Variants in TMEM63C observed in about 807,000 individuals in gnomAD.
The protein encoded by TMEM63C is osmosensitive cation channel TMEM63C.
A neutral mutation model predicts 99.2 loss-of-function variants in TMEM63C; 32 were observed. The observed-to-expected ratio is 0.32, with a 90% CI of 0.24 to 0.43. The LOEUF (loss-of-function observed/expected upper bound fraction) is 0.43, where lower values mean the gene tolerates loss of function less well. TMEM63C is among the 20% of genes least tolerant of loss of function. The probability of loss-of-function intolerance (pLI) is 1.00; values close to 1 mark genes in which losing one functional copy is unlikely to be tolerated. For missense variants in TMEM63C, 826 were observed against 1,053.0 expected (o/e 0.78, Z 2.98); for synonymous variants, 376 against 397.9 (o/e 0.94, Z 0.66).
At chr14:77,245,747 C>A (rs1338299751) in intron 16 of TMEM63C, among the ~76,000 whole-genome samples, 193 bp from the exon 17 acceptor site, 1 of 152,150 alleles carries the variant, frequency 6.6e-6, no homozygotes, top group South Asian at 2.1e-4. Flanking sequence ...AAAGACCCAC[C>A]CCCCATAATT....
chr14:77,254,607 C>T lies in TMEM63C; in HGVS notation c.2220+1231C>T, dbSNP rs576513641. Among the ~76,000 whole-genome samples the T allele has an allele frequency of 6.6e-5, 10 of 152,310 alleles. No individual in the cohort carries two copies. In the South Asian group the frequency reaches 2.1e-3, roughly 32 times the overall value. ...CTCTTAATCTTTTGATAAACCCACACAGTAGGGATTTTCATCCCCAAATGG... is the reference window on the plus strand; with the variant it reads ...CTCTTAATCTTTTGATAAACCCACATAGTAGGGATTTTCATCCCCAAATGG... On this transcript the variant is annotated intron_variant, in intron 23 of 23. Transcript: ENST00000298351.
chr14:77,205,078 G>A (rs1594852782), intron 1 of TMEM63C, among the ~76,000 whole-genome samples: 1 of 152,352 alleles, frequency 6.6e-6, no homozygotes, highest in Non-Finnish European at 1.5e-5. Context: ...ATGGGAGAGA[G>A]AACCTTCCAG....
chr14:77,189,735 C>T (rs72725325), intron 1 of TMEM63C, among the ~76,000 whole-genome samples: 36,819 of 152,146 alleles, frequency 0.24, 5,347 homozygotes, highest in Admixed American at 0.38. Flanking sequence ...AGGAAAGGGT[C>T]CAAGAGGAGG....
At chr14:77,212,791 C>T (rs1045523875) in intron 1 of TMEM63C, among the ~76,000 whole-genome samples, 5 of 152,144 alleles carry the variant, frequency 3.3e-5, no homozygotes, top group African/African-American at 1.2e-4. Flanking sequence ...GTTGAGCAGC[C>T]AGGTTGAGCT....
intron 4 of TMEM63C, 47 bp downstream of exon 4, chr14:77,219,624 C>T (rs574870785): frequency 6.3e-7 from 1 of 1,598,306 alleles, no homozygotes; most frequent in South Asian, 1.1e-5. Flanking sequence ...TTGGGGAAAA[C>T]CTGTTGCCAT....
chr14:77,230,004 A>T (rs1888907469), intron 6 of TMEM63C, among the ~76,000 whole-genome samples: 1 of 151,958 alleles, frequency 6.6e-6, no homozygotes, highest in Non-Finnish European at 1.5e-5. Context: ...GATCAAGATC[A>T]TCCTGGTCAA....
chr14:77,235,402 A>C (rs1594863942), intron 8 of TMEM63C, among the ~76,000 whole-genome samples: 1 of 79,692 alleles, frequency 1.3e-5, no homozygotes, highest in Non-Finnish European at 2.4e-5. Flanking sequence ...TGGGAGGGAG[A>C]CCTGGGAGAC....
intron 1 of TMEM63C, chr14:77,212,331 T>C (rs1442363994): frequency 6.6e-6 from 1 of 152,214 alleles, no homozygotes. Flanking sequence ...TGGGATTAAG[T>C]CCAGTCAGTG....
At chr14:77,187,093 C>T (rs138077440) in intron 1 of TMEM63C, among the ~76,000 whole-genome samples, 21 of 152,278 alleles carry the variant, frequency 1.4e-4, no homozygotes, top group African/African-American at 4.8e-4. Flanking sequence ...CTGAGTCACC[C>T]GCTCAATAGG....
chr14:77,204,770 A>G (rs962984923), intron 1 of TMEM63C, among the ~76,000 whole-genome samples: 1 of 152,244 alleles, frequency 6.6e-6, no homozygotes, highest in Non-Finnish European at 1.5e-5. Flanking sequence ...AGTTGGCTCT[A>G]TTAAACCTCA....
At chr14:77,196,439 T>C (rs1888216078) in intron 1 of TMEM63C, among the ~76,000 whole-genome samples, 2 of 152,346 alleles carry the variant, frequency 1.3e-5, no homozygotes, top group South Asian at 4.1e-4. Context: ...TGAAGGGCGC[T>C]GTCCCAGGTG....
chr14:77,185,744 A>G (rs1297648122), intron 1 of TMEM63C, among the ~76,000 whole-genome samples: 2 of 152,170 alleles, frequency 1.3e-5, no homozygotes, highest in Admixed American at 1.3e-4. Flanking sequence ...CCTGTCATAC[A>G]TGGACACGCT....
chr14:77,220,094 G>T lies in TMEM63C; in HGVS notation c.312+7G>T. On this transcript the variant is annotated splice_region_variant and intron_variant, in intron 5 of 23. Transcript: ENST00000298351. ...GATGGAACGCAGAGACAAGGTGAGT[G>T]CTGGGAGCGGTCTGGGCGGTGGGAG... 1 of 1,555,118 alleles carries T rather than the reference G, an allele frequency of 6.4e-7. No homozygotes were observed. The highest frequency in any genetic ancestry group is 8.7e-7 in the Non-Finnish European group (1 of 1,149,370).
chr14:77,207,217 A>G (rs1254302274), intron 1 of TMEM63C, among the ~76,000 whole-genome samples: 1 of 152,214 alleles, frequency 6.6e-6, no homozygotes, highest in Non-Finnish European at 1.5e-5. Flanking sequence ...GGGGTCCCAG[A>G]GGTGAGATGG....
At chr14:77,256,504 C>T (rs746888971) in intron 23 of TMEM63C, 22 bp from the exon 24 acceptor site, 9 of 1,613,204 alleles carry the variant, frequency 5.6e-6, no homozygotes, top group Middle Eastern at 3.3e-4. Context: ...TTGCTCCTGT[C>T]CCCTGTCTCT....
At chr14:77,255,617 A>C (rs549103944) in intron 23 of TMEM63C, among the ~76,000 whole-genome samples, 1 of 152,350 alleles carries the variant, frequency 6.6e-6, no homozygotes, top group Non-Finnish European at 1.5e-5. Flanking sequence ...TGATAGATGC[A>C]AGTTCAACAT....
At position 77,234,413 on chromosome 14, in the gene TMEM63C, C is replaced by T. The variant is rs143129981; in HGVS notation, c.542+913C>T. Among the ~76,000 whole-genome samples the T allele has an allele frequency of 2.5e-3, 382 of 152,338 alleles. 2 individuals are homozygous for T. The highest frequency in any genetic ancestry group is 8.7e-3 in the African/African-American group (362 of 41,568). On this transcript the variant is annotated intron_variant, in intron 8 of 23. Coordinates refer to ENST00000298351, the MANE Select transcript of TMEM63C (RefSeq NM_020431.4). Reference sequence around the variant, plus strand: ...GCCAACCAGAGCAGGGATATCGGCTCCTTCCCGAGGCCCATTGCTGGCCCG... The same window carrying T: ...GCCAACCAGAGCAGGGATATCGGCTTCTTCCCGAGGCCCATTGCTGGCCCG...
At chr14:77,201,343 C>G (rs1289630346) in intron 1 of TMEM63C, among the ~76,000 whole-genome samples, 1 of 152,200 alleles carries the variant, frequency 6.6e-6, no homozygotes, top group Non-Finnish European at 1.5e-5. Context: ...AGAGTCTGGA[C>G]TGTAATTTGC....
At position 77,236,379 on chromosome 14, in the gene TMEM63C, G is replaced by GA. The variant is rs1889059923; in HGVS notation, c.543-245_543-244insA. On this transcript the variant is annotated intron_variant, in intron 8 of 23. Coordinates refer to ENST00000298351, the MANE Select transcript of TMEM63C (RefSeq NM_020431.4). Reference sequence around the variant, plus strand: ...GTGGGTGGGGGGTATGGGCAGACTGGTGGGGGGGTATGGGGAGACTGTGAT... The same window carrying GA: ...GTGGGTGGGGGGTATGGGCAGACTGGATGGGGGGGTATGGGGAGACTGTGAT... 8.3e-5 allele frequency among the ~76,000 whole-genome samples: 5 copies of GA among 60,540 alleles called. 1 individual carries two copies. The highest frequency in any genetic ancestry group is 5.8e-4 in the Admixed American group (4 of 6,950). The allele number at this position is 60,540 out of a possible 152,430, so 39.7% of individuals were successfully genotyped here. A position where few individuals can be genotyped will look rare whatever the true frequency, so the allele number is the denominator to read the frequency against.
Sources: allele counts gnomAD v4.1 joint callset (sites outside exome capture counted in the v4.1 genomes callset), GRCh38; gene constraint gnomAD v4.1.1; transcripts MANE v1.5; gene names NCBI Gene and HGNC (gene_info 2026-07-23, HGNC 2026-07-21).